Variants in RAB18 observed in about 807,000 individuals in gnomAD.
RAB18 encodes the protein ras-related protein Rab-18.
In RAB18, 10 loss-of-function variants were observed where a neutral mutation model predicts 28.5. That is an observed-to-expected ratio of 0.35 (90% confidence interval 0.22 to 0.60). The LOEUF is 0.60. Among genes scored for constraint, RAB18 ranks in the 20% least tolerant of loss-of-function variants. The pLI is 0.78. For missense variants in RAB18, 188 were observed against 244.2 expected (o/e 0.77, Z 1.53); for synonymous variants, 93 against 86.9 (o/e 1.07, Z -0.39).
rs2132422620 is a variant in RAB18 at position 27,541,898 on chromosome 10, T to C, written c.*3847T>C. 1 of 451,714 alleles carries C rather than the reference T, an allele frequency of 2.2e-6. No individual in the cohort carries two copies. The highest frequency in any genetic ancestry group is 4.4e-6 in the Non-Finnish European group (1 of 226,252). 28.0% of individuals were successfully genotyped at this position (451,714 alleles called of 1,614,324 possible). ...ATTGTCACACCCTCGGCTTTCTAGA[T>C]TAACCCAGTTACCTTTTAGCAGTGC... On this transcript the variant is annotated 3_prime_UTR_variant, in exon 7 of 7. Transcript: ENST00000356940.
chr10:27,520,218 T>C (rs74127332), intron 2 of RAB18, among the ~76,000 whole-genome samples: 2 of 152,080 alleles, frequency 1.3e-5, no homozygotes, highest in African/African-American at 4.8e-5. Flanking sequence ...TGGCAGATTG[T>C]GTATTTGTTA....
At chr10:27,527,019 A>G (rs749073160) in intron 3 of RAB18, 130 bp downstream of exon 3, 14 of 1,018,492 alleles carry the variant, frequency 1.4e-5, no homozygotes, top group Non-Finnish European at 2.2e-5. Flanking sequence ...GAGATTTGAT[A>G]CTGATTAAAG....
chr10:27,538,250 G>GT lies in RAB18; in HGVS notation c.*206dup, dbSNP rs541289639. 333 of 709,286 alleles carry GT rather than the reference G, an allele frequency of 4.7e-4. 3 individuals carry two copies. The South Asian group carries it at 4.8e-3, about 10-fold the overall frequency. 43.9% of individuals were successfully genotyped at this position (709,286 alleles called of 1,614,324 possible). On this transcript the variant is annotated 3_prime_UTR_variant, in exon 7 of 7. Transcript: ENST00000356940. ...AAGCATGCACAGTTTGCAGTCTACA[G>GT]TTTTTTTATGTAGCACAAAATAGGT...
intron 1 of RAB18, among the ~76,000 whole-genome samples, chr10:27,509,067 T>TA (rs1490322403): frequency 3.3e-5 from 5 of 152,224 alleles, no homozygotes; most frequent in Non-Finnish European, 7.4e-5. Flanking sequence ...TGTAAAATCT[T>TA]AGAGTACCCT....
Position 27,533,806 on chromosome 10 carries a change from A to G in RAB18, c.331A>G (p.Thr111Ala), listed in dbSNP as rs761162480. The stretch of plus-strand genomic sequence containing the variant: ...GTTAAATGAATTGGAAACATACTGT[A>G]CAAGAAATGACATAGTAAACATGCT... ...NWLNELETYC[T>A]RNDIVNMLVG... The change falls in exon 5 of 7, where the codon ACA becomes GCA. Residue 111 changes from threonine to alanine, a missense_variant. Physicochemically the swap from Thr to Ala is moderately conservative, Grantham distance 58. Coordinates refer to ENST00000356940, the MANE Select transcript of RAB18 (RefSeq NM_021252.5). 1 of 1,613,760 alleles carries G rather than the reference A, an allele frequency of 6.2e-7. No individual in the cohort carries two copies. The highest frequency in any genetic ancestry group is 1.1e-5 in the South Asian group (1 of 91,078).
intron 3 of RAB18, among the ~76,000 whole-genome samples, chr10:27,530,031 C>A (rs944656169): frequency 7.9e-5 from 12 of 151,956 alleles, no homozygotes; most frequent in African/African-American, 2.7e-4. Flanking sequence ...GATATTTTAA[C>A]TGGAATTGCA....
intron 1 of RAB18, among the ~76,000 whole-genome samples, chr10:27,507,656 A>G (rs1178648293): frequency 6.6e-6 from 1 of 151,084 alleles, no homozygotes; most frequent in Non-Finnish European, 1.5e-5. Flanking sequence ...CCATGGTGGT[A>G]GTTACTCCTT....
Position 27,542,149 on chromosome 10 carries a change from G to A in RAB18, c.*4098G>A, listed in dbSNP as rs772057527. On this transcript the variant is annotated 3_prime_UTR_variant, in exon 7 of 7. Coordinates refer to ENST00000356940, the MANE Select transcript of RAB18 (RefSeq NM_021252.5). ...GAGAGGGAGTCTATTGGAGCCCTTGGGAACTTCTGGATCAAATTGGACCTG... is the reference window on the plus strand; with the variant it reads ...GAGAGGGAGTCTATTGGAGCCCTTGAGAACTTCTGGATCAAATTGGACCTG... 2.2e-6 allele frequency: 1 copy of A among 454,026 alleles called. No homozygotes were observed. 28.1% of individuals were successfully genotyped at this position (454,026 alleles called of 1,614,324 possible).
At chr10:27,537,819 A>C in intron 6 of RAB18, 57 bp from the exon 7 acceptor site, 1 of 1,471,120 alleles carries the variant, frequency 6.8e-7, no homozygotes, top group Non-Finnish European at 9.5e-7. Flanking sequence ...CCAGAAAAAC[A>C]TGAGAATATG....
chr10:27,537,307 C>A (rs1251570445), intron 6 of RAB18, among the ~76,000 whole-genome samples: 1 of 152,140 alleles, frequency 6.6e-6, no homozygotes, highest in African/African-American at 2.4e-5. Context: ...GAATAAAGTA[C>A]TCATCTCAGA....
chr10:27,504,507 G>T (rs1296550269), intron 1 of RAB18, 70 bp downstream of exon 1: 2 of 1,498,364 alleles, frequency 1.3e-6, no homozygotes, highest in Non-Finnish European at 1.8e-6. Flanking sequence ...CTGTCTCCTG[G>T]GCCGCGACGG....
At position 27,539,188 on chromosome 10, in the gene RAB18, T is replaced by A. The variant is rs551931528; in HGVS notation, c.*1137T>A. ...TCAGTTTTCTCACCTCTTGCTATTG[T>A]ATATTGTAGATTTTTTTCATTCATG... is the stretch of plus-strand genomic sequence containing the variant. On this transcript the variant is annotated 3_prime_UTR_variant, in exon 7 of 7. Coordinates refer to ENST00000356940, the MANE Select transcript of RAB18 (RefSeq NM_021252.5). The A allele has an allele frequency of 3.5e-5, 12 of 338,760 alleles. No homozygotes were observed. In the Admixed American group the frequency reaches 3.9e-4, roughly 11 times the overall value. 21.0% of individuals were successfully genotyped at this position (338,760 alleles called of 1,614,324 possible).
intron 1 of RAB18, among the ~76,000 whole-genome samples, chr10:27,505,857 A>G (rs575755272): frequency 1.3e-5 from 2 of 152,172 alleles, no homozygotes; most frequent in Admixed American, 6.5e-5. Context: ...CAGTTTGACA[A>G]CACATTTTCA....
chr10:27,538,399 C>T lies in RAB18; in HGVS notation c.*348C>T, dbSNP rs1425969453. On this transcript the variant is annotated 3_prime_UTR_variant, in exon 7 of 7. Coordinates refer to ENST00000356940, the MANE Select transcript of RAB18 (RefSeq NM_021252.5). The stretch of plus-strand genomic sequence containing the variant: ...TGCTATTCTTTTTGCTTAAATACTC[C>T]TATCATTTTCTGAATTACTTGGTAT... The T allele has an allele frequency of 4.3e-6, 2 of 463,240 alleles. No homozygotes were observed. Among genetic ancestry groups the T allele is most frequent in the Non-Finnish European group, 8.6e-6 (2 of 232,896 alleles). 28.7% of individuals were successfully genotyped at this position (463,240 alleles called of 1,614,324 possible). A position where few individuals can be genotyped will look rare whatever the true frequency, so the allele number is the denominator to read the frequency against.
rs560533149 is a variant in RAB18 at position 27,535,808 on chromosome 10, C to T, written c.445+1814C>T. Among the ~76,000 whole-genome samples the T allele has an allele frequency of 6.6e-5, 10 of 152,158 alleles. No individual in the cohort carries two copies. In the East Asian group the frequency reaches 9.7e-4, roughly 15 times the overall value. On this transcript the variant is annotated intron_variant, in intron 6 of 6. Transcript: ENST00000356940. ...AGGATAATTAAAAAGAGCAATCAGG[C>T]GGGTGCAGTGGCTCACGCCTGTAAT...
intron 3 of RAB18, among the ~76,000 whole-genome samples, chr10:27,529,720 C>G (rs1050886270): frequency 2.6e-5 from 4 of 151,940 alleles, no homozygotes; most frequent in African/African-American, 9.7e-5. Context: ...TGTTATTATA[C>G]CTACCACATA....
rs757456013 is a variant in RAB18, at chr10:27,541,876, G to T, written c.*3825G>T. The T allele has an allele frequency of 1.8e-5, 8 of 447,892 alleles. No homozygotes were observed. Among genetic ancestry groups the T allele is most frequent in the South Asian group, 4.7e-5 (3 of 63,852 alleles). The allele number at this position is 447,892 out of a possible 1,614,324, so 27.7% of individuals were successfully genotyped here. A position where few individuals can be genotyped will look rare whatever the true frequency, so the allele number is the denominator to read the frequency against. On this transcript the variant is annotated 3_prime_UTR_variant, in exon 7 of 7. Transcript: ENST00000356940. Reference sequence around the variant, plus strand: ...ATTGGCATGTGGTTTGGGTGGCATTGTCACACCCTCGGCTTTCTAGATTAA... The same window carrying T: ...ATTGGCATGTGGTTTGGGTGGCATTTTCACACCCTCGGCTTTCTAGATTAA...
rs1334737920 is a variant in RAB18 at position 27,538,158 on chromosome 10, T to C, written c.*107T>C. 29 of 1,402,874 alleles carry C rather than the reference T, an allele frequency of 2.1e-5. No individual in the cohort carries two copies. The highest frequency in any genetic ancestry group is 2.6e-5 in the Non-Finnish European group (26 of 996,976). 86.9% of individuals were successfully genotyped at this position (1,402,874 alleles called of 1,614,324 possible). On this transcript the variant is annotated 3_prime_UTR_variant, in exon 7 of 7. Coordinates refer to ENST00000356940, the MANE Select transcript of RAB18 (RefSeq NM_021252.5). Reference sequence around the variant, plus strand: ...GGACCTTGCAGTTTGCACATAATTGTTTTATATCATAGCAGTAAATATTTG... The same window carrying C: ...GGACCTTGCAGTTTGCACATAATTGCTTTATATCATAGCAGTAAATATTTG...
chr10:27,505,105 C>T (rs376260948), intron 1 of RAB18: 1 of 532,826 alleles, frequency 1.9e-6, no homozygotes, highest in Non-Finnish European at 3.8e-6. Flanking sequence ...TTGCCACATC[C>T]TGTGGAGACA....
Sources: allele counts gnomAD v4.1 joint callset (sites outside exome capture counted in the v4.1 genomes callset), GRCh38; gene constraint gnomAD v4.1.1; transcripts MANE v1.5; gene names NCBI Gene and HGNC (gene_info 2026-07-23, HGNC 2026-07-21).